PKHD1: variants seen among roughly 807,000 people sequenced by gnomAD.
PKHD1 encodes PKHD1 ciliary IPT domain containing fibrocystin/polyductin, also known as fibrocystin.
Under a neutral mutation model 412.0 loss-of-function variants are expected in PKHD1, and 291 were observed. The ratio of observed to expected loss-of-function variants is 0.71; its 90% CI spans 0.64 to 0.78. The LOEUF (loss-of-function observed/expected upper bound fraction) is 0.78, where lower values mean the gene tolerates loss of function less well. Among genes scored for constraint, PKHD1 ranks in the 30% least tolerant of loss-of-function variants. The probability of loss-of-function intolerance (pLI) is 0.00; values close to 1 mark genes in which losing one functional copy is unlikely to be tolerated. For synonymous variants in PKHD1, 1,777 were observed against 1,821.5 expected, an observed-to-expected ratio of 0.98 and a Z score of 0.62; for missense variants, 4,825 against 4,950.7, an observed-to-expected ratio of 0.97 and a Z score of 0.76.
At chr6:51,810,830 G>A (rs1030589133) in intron 52 of PKHD1, among the ~76,000 whole-genome samples, 20 of 152,242 alleles carry the variant, frequency 1.3e-4, no homozygotes, top group South Asian at 2.1e-4. Flanking sequence ...ATGGAATATC[G>A]TGCCTCATTA....
chr6:52,058,478 A>G lies in PKHD1; in HGVS notation c.1357T>C (p.Tyr453His). 6.2e-7 allele frequency: 1 copy of G among 1,614,184 alleles called. No individual in the cohort carries two copies. The change falls in exon 16 of 67, where the codon TAC becomes CAC. Residue 453 changes from tyrosine (Y) to histidine (H), a missense_variant. By Grantham distance (83) the Tyr-to-His change is moderately conservative. Transcript: ENST00000371117. ...KLELLGGAMY[Y>H]LEAEHHGIAP... ...ATCCCATGATGCTCTGCTTCCAGGT[A>G]GTACATGGCTCCACCCAACAGCTCC...
chr6:51,649,099 A>C lies in PKHD1; in HGVS notation c.11296T>G (p.Phe3766Val), dbSNP rs760604547. 6.2e-7 allele frequency: 1 copy of C among 1,613,796 alleles called. No homozygotes were observed. Among genetic ancestry groups the C allele is most frequent in the South Asian group, 1.1e-5 (1 of 91,080 alleles). The stretch of plus-strand genomic sequence containing the variant: ...TGAAAAGTTACCTGCTCATCCAAAA[A>C]TACCAATTGTGGCTGCACTGGAAGC... ...NELPVQPQLV[F>V]LDEQNRRVES... The change falls in exon 62 of 67, where the codon TTT becomes GTT. Residue 3766 changes from phenylalanine to valine, a missense_variant. Coordinates refer to ENST00000371117, the MANE Select transcript of PKHD1 (RefSeq NM_138694.4).
Position 51,840,765 on chromosome 6 carries a change from C to T in PKHD1, c.8108-4296G>A, listed in dbSNP as rs138086723. Among the ~76,000 whole-genome samples the T allele has an allele frequency of 3.0e-3, 461 of 152,086 alleles. 4 individuals carry two copies. Among genetic ancestry groups the T allele is most frequent in the African/African-American group, 0.01 (435 of 41,484 alleles). On this transcript the variant is annotated intron_variant, in intron 50 of 66. Transcript: ENST00000371117. The stretch of plus-strand genomic sequence containing the variant: ...GTTCTTACCAAGTAAAGAGCGAGAC[C>T]CAGATGGAAAAGATCCTTACTTCAC...
intron 35 of PKHD1, among the ~76,000 whole-genome samples, chr6:51,989,834 A>G (rs1427537903): frequency 7.3e-6 from 1 of 137,900 alleles, no homozygotes; most frequent in African/African-American, 2.7e-5. Context: ...AATTTTTTTT[A>G]AACCAGAGGA....
chr6:51,713,079 C>G (rs1156272398), intron 60 of PKHD1, among the ~76,000 whole-genome samples: 1 of 152,120 alleles, frequency 6.6e-6, no homozygotes, highest in East Asian at 1.9e-4. Context: ...CTATTCATCA[C>G]TATCATTATT....
In PKHD1 at chr6:51,748,229, G is replaced by A. The variant is rs756852929; in HGVS notation, c.9387C>T (p.Gly3129=). ...GTCCACTTTCCTTATAGAGATGAAG[G>A]CCATGAAGACTTGAATGCGCCACAT... The part of the protein sequence containing the change: ...SDNVAHSSLH[G]LHLYKESGLD... Residue 3129 remains glycine, a synonymous_variant, in exon 58 of 67, where the codon GGC becomes GGT. Coordinates refer to ENST00000371117, the MANE Select transcript of PKHD1 (RefSeq NM_138694.4). 2 of 1,613,936 alleles carry A rather than the reference G, an allele frequency of 1.2e-6. No homozygotes were observed. The highest frequency in any genetic ancestry group is 1.6e-4 in the Middle Eastern group (1 of 6,062).
chr6:51,891,844 C>T (rs753037799), intron 43 of PKHD1, among the ~76,000 whole-genome samples: 22 of 151,958 alleles, frequency 1.4e-4, no homozygotes, highest in Non-Finnish European at 2.9e-4. Flanking sequence ...ACAGAAAGAA[C>T]CAATGCCTCA....
chr6:51,650,981 C>A (rs999264032), intron 61 of PKHD1, among the ~76,000 whole-genome samples: 3 of 152,076 alleles, frequency 2.0e-5, no homozygotes, highest in Admixed American at 2.0e-4. Flanking sequence ...CTATTTCTCC[C>A]CTAACCTTTT....
intron 52 of PKHD1, among the ~76,000 whole-genome samples, chr6:51,795,431 A>G (rs1182141948): frequency 6.6e-6 from 1 of 152,184 alleles, no homozygotes; most frequent in African/African-American, 2.4e-5. Context: ...TTTTGGGCTG[A>G]AACAATAGGG....
At chr6:52,069,637 G>C in intron 10 of PKHD1, 110 bp from the exon 11 acceptor site, 2 of 820,264 alleles carry the variant, frequency 2.4e-6, no homozygotes, top group Non-Finnish European at 4.4e-6. Flanking sequence ...TTGATCTTTA[G>C]AACAGTTGAA....
chr6:51,733,535 C>CAAAA (rs11381839), intron 60 of PKHD1, among the ~76,000 whole-genome samples: 1 of 129,140 alleles, frequency 7.7e-6, no homozygotes. Flanking sequence ...GACTCCCTCT[C>CAAAA]AAAAAAAAAA....
intron 60 of PKHD1, among the ~76,000 whole-genome samples, chr6:51,736,042 A>G (rs1783802792): frequency 6.6e-6 from 1 of 152,186 alleles, no homozygotes; most frequent in Non-Finnish European, 1.5e-5. Context: ...CACCTATAAA[A>G]TGGAGGCAAC....
At chr6:51,795,266 G>C (rs982484232) in intron 52 of PKHD1, among the ~76,000 whole-genome samples, 3 of 152,072 alleles carry the variant, frequency 2.0e-5, no homozygotes, top group Admixed American at 6.5e-5. Flanking sequence ...TGTATTCACA[G>C]GTATTTTACT....
At chr6:51,632,512 G>T in intron 65 of PKHD1, 53 bp downstream of exon 65, 1 of 1,455,402 alleles carries the variant, frequency 6.9e-7, no homozygotes, top group Non-Finnish European at 9.6e-7. Context: ...TGTTATGTAT[G>T]ATGACTTTTT....
rs560227398 is a variant in PKHD1, at chr6:52,023,036, C to T, written c.5237-92G>A. 1.7e-4 allele frequency: 239 copies of T among 1,444,478 alleles called. 4 individuals are homozygous for T. The South Asian group carries it at 2.7e-3, about 16-fold the overall frequency. The allele number at this position is 1,444,478 out of a possible 1,614,324, so 89.5% of individuals were successfully genotyped here. On this transcript the variant is annotated intron_variant, in intron 32 of 66. Transcript: ENST00000371117. ...TTCAAACATTTGCTTCCTCACTACC[C>T]ATTCTTCTTTTCACATCCTCAGAAT...
chr6:52,057,874 C>T (rs1323264540), intron 16 of PKHD1, among the ~76,000 whole-genome samples: 1 of 152,180 alleles, frequency 6.6e-6, no homozygotes, highest in Non-Finnish European at 1.5e-5. Flanking sequence ...CACATAAAAA[C>T]TCTTCAAAGA....
intron 50 of PKHD1, among the ~76,000 whole-genome samples, chr6:51,844,395 A>G (rs1462854456): frequency 3.9e-5 from 6 of 152,210 alleles, no homozygotes; most frequent in African/African-American, 9.7e-5. Context: ...GAAAAGAAAA[A>G]TGCAAGGGTC....
intron 60 of PKHD1, among the ~76,000 whole-genome samples, chr6:51,662,515 C>T (rs1020474017): frequency 1.3e-5 from 2 of 151,240 alleles, no homozygotes; most frequent in African/African-American, 4.9e-5. Context: ...CAGAACTGCA[C>T]GTCAAAAATT....
chr6:51,847,087 G>A (rs1212402564), intron 50 of PKHD1, among the ~76,000 whole-genome samples: 1 of 151,880 alleles, frequency 6.6e-6, no homozygotes, highest in East Asian at 1.9e-4. Flanking sequence ...AGCCTCCCAA[G>A]TAACTGAGAC....
Sources: allele counts gnomAD v4.1 joint callset (sites outside exome capture counted in the v4.1 genomes callset), GRCh38; gene constraint gnomAD v4.1.1; transcripts MANE v1.5; gene names NCBI Gene and HGNC (gene_info 2026-07-23, HGNC 2026-07-21).